The following PHLDB2 variants were observed in gnomAD, a reference collection of about 807,000 sequenced individuals.
The protein encoded by PHLDB2 is pleckstrin homology like domain family B member 2, also known as pleckstrin homology-like domain family B member 2.
Under a neutral mutation model 123.6 loss-of-function variants are expected in PHLDB2, and 71 were observed. The observed-to-expected ratio is 0.57, with a 90% CI of 0.47 to 0.70. PHLDB2 has a LOEUF of 0.70. PHLDB2 is among the 30% of genes least tolerant of loss of function. The probability of loss-of-function intolerance (pLI) is 0.00; values close to 1 mark genes in which losing one functional copy is unlikely to be tolerated. For missense variants in PHLDB2, 1,446 were observed against 1,519.5 expected, an observed-to-expected ratio of 0.95 and a Z score of 0.80; for synonymous variants, 547 against 541.6, an observed-to-expected ratio of 1.01 and a Z score of -0.14.
chr3:111,917,358 T>C (rs1310465859), intron 3 of PHLDB2: 1 of 152,224 alleles, frequency 6.6e-6, no homozygotes, highest in Non-Finnish European at 1.5e-5. Context: ...TTCTGTTATT[T>C]TGTATTTTTC....
At chr3:111,940,255 C>A (rs1355124048) in intron 7 of PHLDB2, among the ~76,000 whole-genome samples, 1 of 152,104 alleles carries the variant, frequency 6.6e-6, no homozygotes, top group African/African-American at 2.4e-5. Context: ...GTAAAAAATT[C>A]ATCGATAGCC....
intron 1 of PHLDB2, 122 bp from the exon 2 acceptor site, chr3:111,883,942 T>G: frequency 1.1e-6 from 1 of 878,900 alleles, no homozygotes; most frequent in South Asian, 1.8e-5. Context: ...TAAAACTGAG[T>G]TTGTGTTTGT....
At chr3:111,831,021 G>GA (rs1422679624) in intron 1 of PHLDB2, among the ~76,000 whole-genome samples, 1 of 104,680 alleles carries the variant, frequency 9.6e-6, no homozygotes, top group Non-Finnish European at 1.9e-5. Flanking sequence ...AAGAAAGAAA[G>GA]AAAGAAAGAA....
intron 13 of PHLDB2, among the ~76,000 whole-genome samples, chr3:111,966,190 G>T (rs2071740004): frequency 6.6e-6 from 1 of 152,154 alleles, no homozygotes; most frequent in Admixed American, 6.6e-5. Flanking sequence ...GAACGTTGGT[G>T]ATAGTCTTGT....
intron 12 of PHLDB2, chr3:111,958,025 A>AT (rs1001058171): frequency 1.3e-5 from 2 of 152,728 alleles, no homozygotes; most frequent in South Asian, 2.1e-4. Context: ...GCATGTATCA[A>AT]TTTTTTTTAA....
At chr3:111,955,595 G>A (rs1220993489) in intron 12 of PHLDB2, among the ~76,000 whole-genome samples, 2 of 152,050 alleles carry the variant, frequency 1.3e-5, no homozygotes, top group East Asian at 1.9e-4. Context: ...GGAACTATAG[G>A]TGTGTGCTAC....
At chr3:111,765,443 T>G (rs934643884) in intron 1 of PHLDB2, among the ~76,000 whole-genome samples, 1 of 152,168 alleles carries the variant, frequency 6.6e-6, no homozygotes, top group Non-Finnish European at 1.5e-5. Context: ...ATCCACAAAA[T>G]TATCTTGTCC....
chr3:111,810,665 A>G (rs1026667270), intron 1 of PHLDB2, among the ~76,000 whole-genome samples: 3 of 152,292 alleles, frequency 2.0e-5, no homozygotes, highest in Admixed American at 1.3e-4. Context: ...GCTTCAACAT[A>G]TAAATTTTCC....
intron 1 of PHLDB2, among the ~76,000 whole-genome samples, chr3:111,863,635 G>GTTAGA (rs1299145288): frequency 6.6e-6 from 1 of 152,188 alleles, no homozygotes; most frequent in Non-Finnish European, 1.5e-5. Flanking sequence ...AACTAACTGG[G>GTTAGA]TTAGATAGCG....
At chr3:111,842,619 C>G (rs2063743813) in intron 1 of PHLDB2, among the ~76,000 whole-genome samples, 2 of 152,152 alleles carry the variant, frequency 1.3e-5, no homozygotes, top group Admixed American at 1.3e-4. Context: ...ATATAACTCA[C>G]AGACCATATA....
chr3:111,762,359 A>G (rs759778397), intron 1 of PHLDB2, among the ~76,000 whole-genome samples: 81 of 123,296 alleles, frequency 6.6e-4, no homozygotes, highest in Non-Finnish European at 1.1e-3. Context: ...TAGCATTACC[A>G]TATTATTATT....
intron 1 of PHLDB2, among the ~76,000 whole-genome samples, chr3:111,865,053 A>T (rs775476543): frequency 2.0e-5 from 3 of 152,224 alleles, no homozygotes; most frequent in Non-Finnish European, 4.4e-5. Context: ...AGGAAAGATA[A>T]AGGCAAAAGA....
exon 2 of PHLDB2, chr3:111,845,885 C>T: frequency 6.2e-7 from 1 of 1,614,134 alleles, no homozygotes; most frequent in South Asian, 1.1e-5. Context: ...GAGGAGGATA[C>T]CAAGAGAGAG....
exon 1 of PHLDB2, chr3:111,732,542 A>G (rs75191116): frequency 0.05 from 65,837 of 1,325,486 alleles, 1,947 homozygotes; most frequent in Non-Finnish European, 0.058. Context: ...AGGAAATGGA[A>G]AGGAACCTCA....
intron 1 of PHLDB2, among the ~76,000 whole-genome samples, chr3:111,807,529 G>C (rs1194703671): frequency 6.6e-6 from 1 of 152,072 alleles, no homozygotes; most frequent in Non-Finnish European, 1.5e-5. Context: ...CAGGAGGCCT[G>C]GGCCACATAG....
chr3:111,944,627 G>T (rs978686611), intron 8 of PHLDB2, among the ~76,000 whole-genome samples: 2 of 151,820 alleles, frequency 1.3e-5, no homozygotes, highest in Non-Finnish European at 2.9e-5. Flanking sequence ...TGTGTTATTT[G>T]GAAGGATTAA....
At chr3:111,965,787 C>T (rs2071710517) in intron 13 of PHLDB2, among the ~76,000 whole-genome samples, 1 of 152,166 alleles carries the variant, frequency 6.6e-6, no homozygotes, top group Admixed American at 6.5e-5. Context: ...TTTTCCAGAA[C>T]AGTCAAATAG....
At chr3:111,751,435 C>A (rs1183890092) in intron 1 of PHLDB2, among the ~76,000 whole-genome samples, 1 of 152,186 alleles carries the variant, frequency 6.6e-6, no homozygotes, top group Admixed American at 6.5e-5. Flanking sequence ...TATAAAACCT[C>A]TCCTTAGAAA....
chr3:111,915,789 T>G (rs958158555), intron 3 of PHLDB2: 1 of 152,236 alleles, frequency 6.6e-6, no homozygotes, highest in Non-Finnish European at 1.5e-5. Flanking sequence ...TGGAGACTAA[T>G]TCTGAACAGG....
Sources: allele counts gnomAD v4.1 joint callset (sites outside exome capture counted in the v4.1 genomes callset), GRCh38; gene constraint gnomAD v4.1.1; transcripts MANE v1.5; gene names NCBI Gene and HGNC (gene_info 2026-07-23, HGNC 2026-07-21).